CDYL2: variants seen among roughly 807,000 people sequenced by gnomAD.
The protein encoded by CDYL2 is chromodomain Y-like protein 2.
CDYL2 carries 23 observed loss-of-function variants against 49.4 expected under a neutral mutation model. That is an observed-to-expected ratio of 0.47 (90% CI 0.34 to 0.66). The LOEUF (loss-of-function observed/expected upper bound fraction) is 0.66. CDYL2 is among the 30% of genes least tolerant of loss of function. The pLI is 0.01. For missense variants in CDYL2, 678 were observed against 656.4 expected, an observed-to-expected ratio of 1.03 and a Z score of -0.36; for synonymous variants, 360 against 268.8, an observed-to-expected ratio of 1.34 and a Z score of -3.32.
intron 2 of CDYL2, among the ~76,000 whole-genome samples, chr16:80,678,716 G>A (rs1428779257): frequency 3.3e-5 from 5 of 149,276 alleles, no homozygotes; most frequent in African/African-American, 5.0e-5. Flanking sequence ...ATTCCTCAGG[G>A]ATCTAGAACT....
chr16:80,792,224 G>A (rs1028762756), intron 1 of CDYL2, among the ~76,000 whole-genome samples: 1 of 152,166 alleles, frequency 6.6e-6, no homozygotes, highest in Admixed American at 6.5e-5. Flanking sequence ...AAATGTCCAA[G>A]ACTTGGCAAT....
At chr16:80,678,622 G>C (rs993117477) in intron 2 of CDYL2, among the ~76,000 whole-genome samples, 1 of 147,704 alleles carries the variant, frequency 6.8e-6, no homozygotes, top group Non-Finnish European at 1.5e-5. Flanking sequence ...ACAGGTGCTG[G>C]AGAGGATGTG....
chr16:80,779,102 G>C (rs1422718985), intron 1 of CDYL2, among the ~76,000 whole-genome samples: 3 of 151,966 alleles, frequency 2.0e-5, no homozygotes, highest in Non-Finnish European at 2.9e-5. Flanking sequence ...AGGAAGAAAA[G>C]AAGGAAGGAA....
chr16:80,740,843 TAAA>T (rs556287588), intron 1 of CDYL2, among the ~76,000 whole-genome samples: 1 of 137,146 alleles, frequency 7.3e-6, no homozygotes. Context: ...TGTGATACAC[TAAA>T]AAAAAAAAAA....
At chr16:80,703,603 C>A (rs767472102) in intron 1 of CDYL2, among the ~76,000 whole-genome samples, 1 of 152,140 alleles carries the variant, frequency 6.6e-6, no homozygotes, top group African/African-American at 2.4e-5. Flanking sequence ...CAGGGCCTCC[C>A]TGTGGGGTGC....
intron 1 of CDYL2, among the ~76,000 whole-genome samples, chr16:80,797,677 C>T (rs569132568): frequency 2.6e-5 from 4 of 152,154 alleles, no homozygotes; most frequent in South Asian, 4.2e-4. Flanking sequence ...TGTTTTAAAC[C>T]ACTGTTATTG....
chr16:80,762,344 G>A (rs886106897), intron 1 of CDYL2, among the ~76,000 whole-genome samples: 1 of 152,122 alleles, frequency 6.6e-6, no homozygotes, highest in Non-Finnish European at 1.5e-5. Flanking sequence ...AAGAAAGCAC[G>A]ACTGTGCAAA....
At chr16:80,753,411 C>T (rs980645427) in intron 1 of CDYL2, among the ~76,000 whole-genome samples, 1 of 152,112 alleles carries the variant, frequency 6.6e-6, no homozygotes, top group African/African-American at 2.4e-5. Context: ...GAGTTCGAGA[C>T]CAGCCTGACC....
At chr16:80,667,141 C>T (rs1249213695) in intron 2 of CDYL2, among the ~76,000 whole-genome samples, 2 of 152,180 alleles carry the variant, frequency 1.3e-5, no homozygotes, top group Non-Finnish European at 2.9e-5. Flanking sequence ...GCAGGATGAG[C>T]AGAGGTTACT....
At chr16:80,656,926 C>A (rs544291082) in intron 2 of CDYL2, among the ~76,000 whole-genome samples, 2 of 152,122 alleles carry the variant, frequency 1.3e-5, no homozygotes, top group Non-Finnish European at 2.9e-5. Flanking sequence ...AGTGAGCTGT[C>A]CACCCTGAAG....
intron 1 of CDYL2, among the ~76,000 whole-genome samples, chr16:80,759,896 T>A (rs1456702174): frequency 2.0e-5 from 3 of 146,980 alleles, no homozygotes; most frequent in Non-Finnish European, 4.5e-5. Context: ...TTTGAGGTCC[T>A]GTCCTAAATT....
chr16:80,745,704 C>A (rs181366327), intron 1 of CDYL2, among the ~76,000 whole-genome samples: 58 of 152,232 alleles, frequency 3.8e-4, no homozygotes, highest in African/African-American at 1.2e-3. Flanking sequence ...TGATTTCTGC[C>A]CTAGATTTAG....
At chr16:80,674,788 C>G (rs1438959952) in intron 2 of CDYL2, among the ~76,000 whole-genome samples, 1 of 152,226 alleles carries the variant, frequency 6.6e-6, no homozygotes, top group East Asian at 1.9e-4. Context: ...TAACATCCGT[C>G]GTCTGGGAAG....
At position 80,775,373 on chromosome 16, in the gene CDYL2, T is replaced by G. The variant is rs981175504; in HGVS notation, c.24+28777A>C. Among the ~76,000 whole-genome samples, 35 of 152,008 alleles carry G rather than the reference T, an allele frequency of 2.3e-4. 1 individual carries two copies. The highest frequency in any genetic ancestry group is 6.2e-4 in the South Asian group (3 of 4,824). ...GTAACAAAAATCTGTATATACAGTT[T>G]AAATAATTAAATTAAAAGTTACGGG... On this transcript the variant is annotated intron_variant, in intron 1 of 6. Coordinates refer to ENST00000570137, the MANE Select transcript of CDYL2 (RefSeq NM_152342.4).
At chr16:80,707,343 G>C (rs1264734642) in intron 1 of CDYL2, among the ~76,000 whole-genome samples, 1 of 151,970 alleles carries the variant, frequency 6.6e-6, no homozygotes. Flanking sequence ...GCGTGTGTCT[G>C]TCCTATACTT....
intron 1 of CDYL2, among the ~76,000 whole-genome samples, chr16:80,767,074 C>T (rs148137038): frequency 0.012 from 1,764 of 152,226 alleles, 33 homozygotes; most frequent in African/African-American, 0.04. Context: ...GTCCCAGAAC[C>T]TGCACATTGC....
chr16:80,652,500 C>G (rs559760376), intron 2 of CDYL2, among the ~76,000 whole-genome samples: 19 of 152,142 alleles, frequency 1.2e-4, no homozygotes, highest in African/African-American at 4.6e-4. Context: ...GAAGAATTCC[C>G]GATAGTTTGT....
At chr16:80,801,397 A>G (rs1024944409) in intron 1 of CDYL2, among the ~76,000 whole-genome samples, 2 of 152,232 alleles carry the variant, frequency 1.3e-5, no homozygotes, top group African/African-American at 4.8e-5. Flanking sequence ...ATCAGCACCT[A>G]TTCCTAACAA....
intron 1 of CDYL2, among the ~76,000 whole-genome samples, chr16:80,713,060 C>G (rs1904674541): frequency 6.6e-6 from 1 of 152,180 alleles, no homozygotes; most frequent in African/African-American, 2.4e-5. Context: ...TTCCAAGGTC[C>G]TCAGCAGCCC....
Sources: gnomAD v4.1 joint callset for allele counts (sites outside exome capture counted in the v4.1 genomes callset) on GRCh38, gnomAD v4.1.1 for gene constraint, MANE v1.5 for transcripts, NCBI Gene and HGNC (gene_info 2026-07-23, HGNC 2026-07-21) for gene names.